Variants in BCL2L12 observed in about 807,000 individuals in gnomAD.
The protein encoded by BCL2L12 is bcl-2-like protein 12.
In BCL2L12, 27 loss-of-function variants were observed where a neutral mutation model predicts 25.7. That is an observed-to-expected ratio of 1.05 (90% confidence interval 0.78 to 1.45). The LOEUF (loss-of-function observed/expected upper bound fraction) is 1.45, where lower values mean the gene tolerates loss of function less well. BCL2L12 is among the 40% of genes most tolerant of loss of function. BCL2L12 has a pLI of 0.00. For missense variants in BCL2L12, 302 were observed against 329.8 expected (o/e 0.92, Z 0.65); for synonymous variants, 132 against 145.6 (o/e 0.91, Z 0.67).
intron 3 of BCL2L12, 70 bp from the exon 4 acceptor site, chr19:49,668,781 G>T (rs573632216): frequency 7.0e-7 from 1 of 1,436,986 alleles, no homozygotes; most frequent in South Asian, 1.2e-5. Flanking sequence ...TGCCAAGGTA[G>T]TTGGGGGAAG....
intron 2 of BCL2L12, 40 bp from the exon 3 acceptor site, chr19:49,666,979 G>T (rs2081803551): frequency 6.2e-7 from 1 of 1,602,272 alleles, no homozygotes; most frequent in Admixed American, 1.7e-5. Flanking sequence ...GCTTGCAGGG[G>T]ATCTCTGGTG....
At chr19:49,673,629 G>C in intron 6 of BCL2L12, 69 bp from the exon 7 acceptor site, 1 of 1,296,450 alleles carries the variant, frequency 7.7e-7, no homozygotes, top group African/African-American at 1.5e-5. Flanking sequence ...TCACAGGGCT[G>C]ATGTGGACGC....
chr19:49,670,461 G>T lies in BCL2L12; in HGVS notation c.675G>T (p.Thr225=). ...GLSVEHVHSF[T]PWIQAHGGWE... is the part of the protein sequence containing the mutation. ...GCGTGGAGCACGTGCACAGCTTCAC[G>T]CCCTGGATCCAGGCCCACGGGGGCT... is the stretch of plus-strand genomic sequence containing the variant. The change falls in exon 6 of 7, where the codon ACG becomes ACT. Residue 225 remains threonine, a synonymous_variant. Coordinates refer to ENST00000246784, the MANE Select transcript of BCL2L12 (RefSeq NM_138639.2). 1 of 1,536,470 alleles carries T rather than the reference G, an allele frequency of 6.5e-7. No homozygotes were observed. Among genetic ancestry groups the T allele is most frequent in the East Asian group, 2.5e-5 (1 of 40,424 alleles).
In BCL2L12 at chr19:49,670,361, C is replaced by A; in HGVS notation, c.575C>A (p.Pro192His). 2 of 1,588,186 alleles carry A rather than the reference C, an allele frequency of 1.3e-6. No homozygotes were observed. Among genetic ancestry groups the A allele is most frequent in the Admixed American group, 1.8e-5 (1 of 56,878 alleles). The change falls in exon 6 of 7, where the codon CCC becomes CAC. Residue 192 changes from proline to histidine, a missense_variant. Coordinates refer to ENST00000246784, the MANE Select transcript of BCL2L12 (RefSeq NM_138639.2). Reference sequence around the variant, plus strand: ...GGGCCCCCGCCTCCTTCCCCGGAGCCCCTGGCCCGCCTGGCCCTAGCCATG... The same window carrying A: ...GGGCCCCCGCCTCCTTCCCCGGAGCACCTGGCCCGCCTGGCCCTAGCCATG... ...CPGPPPPSPE[P>H]LARLALAMEL...
At chr19:49,673,131 G>A (rs2081994346) in intron 6 of BCL2L12, among the ~76,000 whole-genome samples, 1 of 151,960 alleles carries the variant, frequency 6.6e-6, no homozygotes, top group Non-Finnish European at 1.5e-5. Flanking sequence ...CTCCCAAAGT[G>A]CTGGAATTAC....
At chr19:49,665,466 AGTTTTTCTG>A (rs1251160440), upstream of BCL2L12, 5 of 205,678 alleles carry the variant, frequency 2.4e-5, no homozygotes, top group Middle Eastern at 1.9e-3. Context: ...TACTTTTTCT[AGTTTTTCTG>A]CAGCCGACCT....
intron 2 of BCL2L12, 109 bp downstream of exon 2, chr19:49,666,908 G>GGCTCTAT: frequency 6.6e-7 from 1 of 1,526,316 alleles, no homozygotes; most frequent in South Asian, 1.2e-5. Flanking sequence ...TCTATTCTCT[G>GGCTCTAT]TCTTTGGGGT....
chr19:49,668,028 C>T (rs528149951), intron 3 of BCL2L12, among the ~76,000 whole-genome samples: 7 of 152,098 alleles, frequency 4.6e-5, no homozygotes, highest in Admixed American at 2.0e-4. Flanking sequence ...GACCCTCCCA[C>T]GTCGGCCTCC....
intron 3 of BCL2L12, 72 bp from the exon 4 acceptor site, chr19:49,668,779 T>G (rs939026094): frequency 2.9e-6 from 4 of 1,394,440 alleles, no homozygotes; most frequent in African/African-American, 1.4e-5. Context: ...CCTGCCAAGG[T>G]AGTTGGGGGA....
chr19:49,668,126 G>A (rs1365038042), intron 3 of BCL2L12, among the ~76,000 whole-genome samples: 27 of 121,770 alleles, frequency 2.2e-4, no homozygotes, highest in African/African-American at 5.5e-4. Context: ...ACGGAGTTTC[G>A]CCCTTGTTGC....
intron 6 of BCL2L12, among the ~76,000 whole-genome samples, chr19:49,670,744 G>T (rs1208072450): frequency 6.6e-6 from 1 of 152,208 alleles, no homozygotes; most frequent in Non-Finnish European, 1.5e-5. Context: ...GAGGCCGGAC[G>T]GGGTAGCTCA....
chr19:49,667,850 G>A (rs757663184), intron 3 of BCL2L12, among the ~76,000 whole-genome samples: 4 of 152,100 alleles, frequency 2.6e-5, no homozygotes, highest in Non-Finnish European at 5.9e-5. Flanking sequence ...GTGCAATCTC[G>A]ACTCACTGCA....
rs1273826836 is a variant in BCL2L12 at position 49,672,413 on chromosome 19, T to A, written c.703-1285T>A. On this transcript the variant is annotated intron_variant, in intron 6 of 6. Transcript: ENST00000246784. The surrounding 1 kb of genome is among the most constrained non-coding windows in gnomAD (Gnocchi z 4.1). ...AGGCGCCGGGCCAGCCAGGACCCTGTGGTCACGGTGAGTGACAACTCGGAC... is the reference window on the plus strand; with the variant it reads ...AGGCGCCGGGCCAGCCAGGACCCTGAGGTCACGGTGAGTGACAACTCGGAC... Among the ~76,000 whole-genome samples the A allele has an allele frequency of 6.6e-6, 1 of 152,206 alleles. No individual in the cohort carries two copies. The highest frequency in any genetic ancestry group is 1.5e-5 in the Non-Finnish European group (1 of 68,034).
chr19:49,671,561 C>G (rs1001002761), intron 6 of BCL2L12, among the ~76,000 whole-genome samples: 4 of 152,066 alleles, frequency 2.6e-5, no homozygotes, highest in Non-Finnish European at 4.4e-5. Flanking sequence ...TCACTTGAGC[C>G]CAGGAGTTCA....
At chr19:49,665,848 C>T (rs1214970998), upstream of BCL2L12, 9 of 1,603,852 alleles carry the variant, frequency 5.6e-6, no homozygotes, top group African/African-American at 1.1e-4. Flanking sequence ...TGGGCTGTTC[C>T]CGCCCCTATG....
upstream of BCL2L12, chr19:49,665,583 C>T (rs2081673875): frequency 7.6e-6 from 4 of 526,798 alleles, no homozygotes; most frequent in East Asian, 3.2e-5. Flanking sequence ...CTTTCCCGCT[C>T]CTCGCTCTCG....
chr19:49,668,790 A>G (rs1298306710), intron 3 of BCL2L12, 61 bp from the exon 4 acceptor site: 24 of 1,474,570 alleles, frequency 1.6e-5, no homozygotes, highest in Non-Finnish European at 2.0e-5. Flanking sequence ...AGTTGGGGGA[A>G]GGAGAGAATC....
chr19:49,670,313 C>G lies in BCL2L12; in HGVS notation c.527C>G (p.Ser176Cys). The G allele has an allele frequency of 5.0e-6, 8 of 1,608,136 alleles. No individual in the cohort carries two copies. The highest frequency in any genetic ancestry group is 6.8e-6 in the Non-Finnish European group (8 of 1,178,322). ...CTGTTCTGTAGCCGGGATGACAGCT[C>G]TCGCCCAAGCCGAGCATGCCCCGGG... ...VELFCSRDDS[S>C]RPSRACPGPP... Residue 176 changes from serine (S) to cysteine (C), a missense_variant, in exon 6 of 7, where the codon TCT (serine) becomes TGT (cysteine). Transcript: ENST00000246784.
rs1330957622 is a variant in BCL2L12 at position 49,670,263 on chromosome 19, C to T, written c.477C>T (p.Ser159=). 6.2e-6 allele frequency: 10 copies of T among 1,610,278 alleles called. 1 individual carries two copies. The South Asian group carries it at 8.8e-5, about 14-fold the overall frequency. Residue 159 remains serine, a synonymous_variant, in exon 6 of 7, where the codon TCC becomes TCT. Transcript: ENST00000246784. ...ALRSKLVRLS[S]DSFARLVELF... ...GCAGCAAGCTGGTCCGCCTGTCCTC[C>T]GACTCTTTCGCCCGCCTGGTGGAGC...
Sources: allele counts gnomAD v4.1 joint callset (sites outside exome capture counted in the v4.1 genomes callset), GRCh38; gene constraint gnomAD v4.1.1; non-coding constraint Gnocchi (gnomAD v3.1); transcripts MANE v1.5; gene names NCBI Gene and HGNC (gene_info 2026-07-23, HGNC 2026-07-21).